The following RIC8B variants were observed in gnomAD, a reference collection of about 807,000 sequenced individuals.
RIC8B encodes the protein RIC8 guanine nucleotide exchange factor B.
RIC8B carries 16 observed loss-of-function variants against 57.5 expected under a neutral mutation model. The observed-to-expected ratio is 0.28, with a 90% CI of 0.19 to 0.42. The LOEUF is 0.42. RIC8B is among the 10% of genes least tolerant of loss of function. RIC8B has a pLI of 1.00. For synonymous variants in RIC8B, 216 were observed against 250.8 expected, an observed-to-expected ratio of 0.86 and a Z score of 1.31; for missense variants, 481 against 677.0, an observed-to-expected ratio of 0.71 and a Z score of 3.21.
intron 7 of RIC8B, among the ~76,000 whole-genome samples, chr12:106,857,063 G>A (rs2136499344): frequency 6.6e-6 from 1 of 152,280 alleles, no homozygotes; most frequent in African/African-American, 2.4e-5. Context: ...GGAAAAGACA[G>A]CAGAGGCCAG....
At chr12:106,832,670 A>G (rs2046407950) in intron 4 of RIC8B, among the ~76,000 whole-genome samples, 1 of 152,204 alleles carries the variant, frequency 6.6e-6, no homozygotes, top group Non-Finnish European at 1.5e-5. Context: ...TAAATGCTCA[A>G]TAAATATTAG....
chr12:106,797,367 CATT>C (rs1482455206), intron 2 of RIC8B, among the ~76,000 whole-genome samples: 1 of 152,270 alleles, frequency 6.6e-6, no homozygotes, highest in East Asian at 1.9e-4. Flanking sequence ...ACCTTGAAAA[CATT>C]ATGTTACACG....
chr12:106,856,761 A>C (rs1280959067), intron 7 of RIC8B, among the ~76,000 whole-genome samples: 1 of 152,212 alleles, frequency 6.6e-6, no homozygotes, highest in Non-Finnish European at 1.5e-5. Flanking sequence ...AGTGCTTAAC[A>C]GATAGCAGGT....
intron 8 of RIC8B, among the ~76,000 whole-genome samples, chr12:106,865,799 A>C (rs1950115714): frequency 6.6e-6 from 1 of 152,156 alleles, no homozygotes. Context: ...ACGTCCTCGC[A>C]GTGGTATACT....
intron 8 of RIC8B, among the ~76,000 whole-genome samples, chr12:106,864,739 A>G (rs1220611504): frequency 4.6e-5 from 7 of 152,264 alleles, no homozygotes; most frequent in Non-Finnish European, 8.8e-5. Flanking sequence ...AATTTGTAGC[A>G]TTAAGTACAT....
chr12:106,865,605 T>C (rs1161717784), intron 8 of RIC8B, among the ~76,000 whole-genome samples: 1 of 152,128 alleles, frequency 6.6e-6, no homozygotes, highest in Non-Finnish European at 1.5e-5. Flanking sequence ...TGAATCTAAT[T>C]ACCCTTTTTA....
chr12:106,792,626 A>G (rs2044306131), intron 2 of RIC8B, among the ~76,000 whole-genome samples: 1 of 152,196 alleles, frequency 6.6e-6, no homozygotes, highest in Admixed American at 6.5e-5. Context: ...AGAAACACCT[A>G]TTCAAAAAAA....
chr12:106,871,490 A>AAAC (rs1950414406), intron 9 of RIC8B: 2 of 143,796 alleles, frequency 1.4e-5, no homozygotes, highest in Non-Finnish European at 3.0e-5. Flanking sequence ...AAAAAAAAAA[A>AAAC]AAAAAAAACC....
intron 4 of RIC8B, among the ~76,000 whole-genome samples, chr12:106,826,038 A>G (rs772340376): frequency 6.6e-6 from 1 of 152,212 alleles, no homozygotes; most frequent in Non-Finnish European, 1.5e-5. Context: ...GAGGCTCAAC[A>G]GGAGAAGAGA....
chr12:106,827,903 G>A (rs2046179897), intron 4 of RIC8B, among the ~76,000 whole-genome samples: 1 of 152,068 alleles, frequency 6.6e-6, no homozygotes, highest in African/African-American at 2.4e-5. Context: ...TGAAAGGAAG[G>A]CACTTTGACC....
chr12:106,828,853 A>G lies in RIC8B; in HGVS notation c.836+3033A>G, dbSNP rs1282811225. Among the ~76,000 whole-genome samples the G allele has an allele frequency of 2.0e-5, 3 of 152,162 alleles. No homozygotes were observed. The South Asian group carries it at 6.2e-4, about 31-fold the overall frequency. ...AACTTATGCCTATGTTCATCCTGTG[A>G]TCATGTAAAGACATCTTTTTTCTTT... On this transcript the variant is annotated intron_variant, in intron 4 of 9. Coordinates refer to ENST00000392837, the MANE Select transcript of RIC8B (RefSeq NM_001330145.2).
chr12:106,851,844 C>G (rs1369678155), intron 7 of RIC8B, among the ~76,000 whole-genome samples: 2 of 152,180 alleles, frequency 1.3e-5, no homozygotes, highest in Non-Finnish European at 2.9e-5. Flanking sequence ...CTTCTGTATC[C>G]TTAACCCAGC....
intron 7 of RIC8B, 132 bp from the exon 8 acceptor site, chr12:106,860,136 A>G (rs1009773711): frequency 1.3e-6 from 1 of 787,370 alleles, no homozygotes; most frequent in Non-Finnish European, 1.9e-6. Flanking sequence ...CCACTACCAC[A>G]TTTTGAAATT....
chr12:106,819,759 G>T (rs997070794), intron 3 of RIC8B, among the ~76,000 whole-genome samples: 105 of 146,886 alleles, frequency 7.1e-4, no homozygotes, highest in African/African-American at 2.5e-3. Context: ...AAAAAGAGGA[G>T]GAGGAATACT....
chr12:106,838,981 T>A, intron 4 of RIC8B, among the ~76,000 whole-genome samples: 1 of 142,788 alleles, frequency 7.0e-6, no homozygotes, highest in Non-Finnish European at 1.5e-5. Context: ...TTAGAAGGGT[T>A]ATTCCAAAAA....
chr12:106,833,460 G>A (rs983251150), intron 4 of RIC8B, among the ~76,000 whole-genome samples: 1 of 152,058 alleles, frequency 6.6e-6, no homozygotes, highest in Non-Finnish European at 1.5e-5. Context: ...AATTAGCAAG[G>A]CATGATGACG....
intron 8 of RIC8B, among the ~76,000 whole-genome samples, chr12:106,870,509 T>C (rs772937008): frequency 3.3e-5 from 5 of 152,086 alleles, no homozygotes; most frequent in Admixed American, 2.0e-4. Context: ...ATGGATAAGC[T>C]GTGCATCCAC....
chr12:106,774,858 T>TA, intron 1 of RIC8B, 29 bp downstream of exon 1: 1 of 1,514,306 alleles, frequency 6.6e-7, no homozygotes, highest in South Asian at 1.2e-5. Flanking sequence ...GGGCGTGCGG[T>TA]ATCGCACCCC....
At chr12:106,835,962 A>G (rs1038395241) in intron 4 of RIC8B, among the ~76,000 whole-genome samples, 3 of 152,196 alleles carry the variant, frequency 2.0e-5, no homozygotes, top group African/African-American at 7.2e-5. Context: ...TTTAAGTGGT[A>G]ACTATCTGAT....
Sources: allele counts gnomAD v4.1 joint callset (sites outside exome capture counted in the v4.1 genomes callset), GRCh38; gene constraint gnomAD v4.1.1; transcripts MANE v1.5; gene names NCBI Gene and HGNC (gene_info 2026-07-23, HGNC 2026-07-21).